The following PTPRG variants were observed in gnomAD, a reference collection of about 807,000 sequenced individuals.
PTPRG encodes the protein protein tyrosine phosphatase receptor type G.
In PTPRG, 102 loss-of-function variants were observed where a neutral mutation model predicts 165.3. The observed-to-expected ratio is 0.62, with a 90% CI of 0.53 to 0.73. The LOEUF (loss-of-function observed/expected upper bound fraction) is 0.73. Among genes scored for constraint, PTPRG ranks in the 30% least tolerant of loss-of-function variants. The pLI is 0.00. For synonymous variants in PTPRG, 675 were observed against 669.5 expected, an observed-to-expected ratio of 1.01 and a Z score of -0.13; for missense variants, 1,866 against 1,861.4, an observed-to-expected ratio of 1.00 and a Z score of -0.05.
chr3:61,987,637 A>T (rs1419712271), intron 2 of PTPRG, among the ~76,000 whole-genome samples: 1 of 152,172 alleles, frequency 6.6e-6, no homozygotes, highest in African/African-American at 2.4e-5. Flanking sequence ...ATACATACAC[A>T]TATGATATTA....
chr3:62,256,898 T>C (rs1425705326), intron 16 of PTPRG, among the ~76,000 whole-genome samples: 1 of 152,172 alleles, frequency 6.6e-6, no homozygotes, highest in Non-Finnish European at 1.5e-5. Context: ...TAACAAATCC[T>C]GGGCATCTGT....
intron 1 of PTPRG, among the ~76,000 whole-genome samples, chr3:61,675,552 C>T (rs1703191407): frequency 2.6e-5 from 4 of 152,080 alleles, no homozygotes; most frequent in Non-Finnish European, 4.4e-5. Flanking sequence ...GTCTTTTTTC[C>T]CCCTATTATG....
chr3:61,823,186 G>T (rs2036006389), intron 2 of PTPRG, among the ~76,000 whole-genome samples: 1 of 150,978 alleles, frequency 6.6e-6, no homozygotes, highest in South Asian at 2.1e-4. Flanking sequence ...AGTTGCACAG[G>T]TTTGTTTGTT....
rs574421710 is a variant in PTPRG, at chr3:62,217,397, G to T, written c.2156-1454G>T. On this transcript the variant is annotated intron_variant, in intron 12 of 29. Coordinates refer to ENST00000474889, the MANE Select transcript of PTPRG (RefSeq NM_002841.4). This position sits in a 1 kb window ranked among gnomAD's most constrained non-coding sequence, Gnocchi z 4.3. ...TGCATTAGAGGAAATCCAGTGAAAC[G>T]CATCGTAACACACTTCTTCCTGACT... Among the ~76,000 whole-genome samples, 1 of 152,164 alleles carries T rather than the reference G, an allele frequency of 6.6e-6. No homozygotes were observed. The highest frequency in any genetic ancestry group is 1.9e-4 in the East Asian group (1 of 5,180).
chr3:62,055,968 T>C (rs1435259903), intron 4 of PTPRG, among the ~76,000 whole-genome samples: 1 of 152,218 alleles, frequency 6.6e-6, no homozygotes, highest in Non-Finnish European at 1.5e-5. Context: ...TTTGGGAAGA[T>C]ATAATTCAAA....
intron 1 of PTPRG, among the ~76,000 whole-genome samples, chr3:61,649,034 C>G (rs534836154): frequency 6.6e-6 from 1 of 152,264 alleles, no homozygotes; most frequent in African/African-American, 2.4e-5. Context: ...GGTTAAAAAA[C>G]CTAGTGTTAA....
chr3:62,075,099 C>G (rs927284186), intron 4 of PTPRG, among the ~76,000 whole-genome samples: 4 of 152,150 alleles, frequency 2.6e-5, no homozygotes, highest in Non-Finnish European at 5.9e-5. Context: ...ATTTTATTAT[C>G]CAGATGGGTG....
chr3:61,627,234 G>T (rs934192270), intron 1 of PTPRG, among the ~76,000 whole-genome samples: 20 of 152,102 alleles, frequency 1.3e-4, no homozygotes, highest in African/African-American at 4.1e-4. Flanking sequence ...ATCTTTTAGT[G>T]ACAGATGCTG....
At chr3:61,574,546 A>G (rs1365078504) in intron 1 of PTPRG, among the ~76,000 whole-genome samples, 3 of 152,138 alleles carry the variant, frequency 2.0e-5, no homozygotes, top group East Asian at 1.9e-4. Context: ...ATCTCTTGAC[A>G]GTTTTAGGCA....
intron 2 of PTPRG, among the ~76,000 whole-genome samples, chr3:61,896,128 T>C (rs1385770941): frequency 6.6e-6 from 1 of 152,190 alleles, no homozygotes; most frequent in Non-Finnish European, 1.5e-5. Flanking sequence ...TAGGTTCATG[T>C]ATCCACTATC....
At chr3:61,996,503 G>T (rs1028090324) in intron 3 of PTPRG, among the ~76,000 whole-genome samples, 5 of 152,136 alleles carry the variant, frequency 3.3e-5, no homozygotes, top group Non-Finnish European at 5.9e-5. Context: ...CCAAGCTTCT[G>T]ATTAAGAGCA....
chr3:61,563,059 C>A lies in PTPRG; in HGVS notation c.85+687C>A, dbSNP rs35098326. On this transcript the variant is annotated intron_variant, in intron 1 of 29. Transcript: ENST00000474889. ...GGCGGTTTCGGAGAGATCCGTGTCT[C>A]CCCTAGCCCCGGCCCGTGGCCCTTT... Among the ~76,000 whole-genome samples, 999 of 151,942 alleles carry A rather than the reference C, an allele frequency of 6.6e-3. 13 individuals carry two copies. Among genetic ancestry groups the A allele is most frequent in the African/African-American group, 0.023 (958 of 41,448 alleles).
At chr3:62,121,241 C>T (rs1437428716) in intron 5 of PTPRG, among the ~76,000 whole-genome samples, 1 of 152,058 alleles carries the variant, frequency 6.6e-6, no homozygotes, top group Non-Finnish European at 1.5e-5. Context: ...GCGTGAGCCA[C>T]CGCGCCCAGC....
intron 2 of PTPRG, among the ~76,000 whole-genome samples, chr3:61,961,881 GTGA>G (rs2040160229): frequency 6.6e-6 from 1 of 152,136 alleles, no homozygotes; most frequent in Admixed American, 6.5e-5. Flanking sequence ...GGCCTTCCAG[GTGA>G]TGCGCATGTG....
chr3:61,625,522 T>C (rs996458207), intron 1 of PTPRG, among the ~76,000 whole-genome samples: 1 of 152,182 alleles, frequency 6.6e-6, no homozygotes, highest in African/African-American at 2.4e-5. Flanking sequence ...CTTAGGACGC[T>C]CTTCGATTTG....
Position 61,832,848 on chromosome 3 carries a change from G to A in PTPRG, c.190+83866G>A, listed in dbSNP as rs141587484. Among the ~76,000 whole-genome samples the A allele has an allele frequency of 7.8e-4, 118 of 151,956 alleles. No homozygotes were observed. In the East Asian group the frequency reaches 0.019, roughly 25 times the overall value. ...CCCAATATGTAGCTTTTTATCCCTC[G>A]TCCTCTTCCCACCCTTTCCCCGCTG... On this transcript the variant is annotated intron_variant, in intron 2 of 29. Transcript: ENST00000474889.
At chr3:61,570,669 G>T (rs1700034546) in intron 1 of PTPRG, among the ~76,000 whole-genome samples, 1 of 152,118 alleles carries the variant, frequency 6.6e-6, no homozygotes, top group African/African-American at 2.4e-5. Flanking sequence ...TTTGGATAAG[G>T]GGACACAGCC....
At chr3:61,975,688 T>A (rs2107669040) in intron 2 of PTPRG, among the ~76,000 whole-genome samples, 1 of 152,244 alleles carries the variant, frequency 6.6e-6, no homozygotes, top group Admixed American at 6.5e-5. Context: ...TGGTGGCAAC[T>A]TTGTTTGCTG....
At chr3:61,642,605 T>C (rs1702097436) in intron 1 of PTPRG, among the ~76,000 whole-genome samples, 1 of 152,184 alleles carries the variant, frequency 6.6e-6, no homozygotes. Flanking sequence ...TTGTAGTGAA[T>C]GGACATTGAC....
Sources: gnomAD v4.1 joint callset for allele counts (sites outside exome capture counted in the v4.1 genomes callset) on GRCh38, gnomAD v4.1.1 for gene constraint, Gnocchi (gnomAD v3.1) non-coding constraint, MANE v1.5 for transcripts, NCBI Gene and HGNC (gene_info 2026-07-23, HGNC 2026-07-21) for gene names.